Variants in VPS35L observed in about 807,000 individuals in gnomAD.
VPS35L encodes the protein VPS35 endosomal protein sorting factor like.
In VPS35L, 83 loss-of-function variants were observed where a neutral mutation model predicts 133.0. The ratio of observed to expected loss-of-function variants is 0.62; its 90% CI spans 0.52 to 0.75. The LOEUF (loss-of-function observed/expected upper bound fraction) is 0.75. Among genes scored for constraint, VPS35L ranks in the 30% least tolerant of loss-of-function variants. The pLI, the probability that VPS35L is intolerant of heterozygous loss-of-function variation, is 0.00. For synonymous variants in VPS35L, 423 were observed against 449.9 expected (o/e 0.94, Z 0.76); for missense variants, 1,083 against 1,206.8 (o/e 0.90, Z 1.52).
intron 21 of VPS35L, among the ~76,000 whole-genome samples, chr16:19,640,327 C>T (rs1172271346): frequency 6.6e-6 from 1 of 152,138 alleles, no homozygotes; most frequent in Non-Finnish European, 1.5e-5. Context: ...GCCAGAAAAC[C>T]ACACTGGAAG....
intron 5 of VPS35L, chr16:19,578,171 A>C: frequency 1.2e-5 from 5 of 429,532 alleles, no homozygotes; most frequent in Non-Finnish European, 1.8e-5. Flanking sequence ...GTGCTACAAC[A>C]GTAGAGTTGA....
At chr16:19,579,253 G>A (rs1322609641) in intron 6 of VPS35L, 125 bp downstream of exon 6, 5 of 854,186 alleles carry the variant, frequency 5.9e-6, no homozygotes, top group Middle Eastern at 3.6e-4. Flanking sequence ...TGGTCCTCTC[G>A]AGGCAATGAC....
chr16:19,573,217 C>T lies in VPS35L; in HGVS notation c.384C>T (p.Tyr128=), dbSNP rs536088496. 1 of 1,613,932 alleles carries T rather than the reference C, an allele frequency of 6.2e-7. No homozygotes were observed. Among genetic ancestry groups the T allele is most frequent in the East Asian group, 2.2e-5 (1 of 44,870 alleles). Residue 128 remains tyrosine, a synonymous_variant, in exon 4 of 31, where the codon TAC becomes TAT. Transcript: ENST00000417362. ...AACGGGGAGAAATCCTTGCCCGGTA[C>T]ACCACTACCGAAAAGCTGTCTATTG... ...TNKRGEILAR[Y]TTTEKLSINL...
chr16:19,670,824 A>C (rs1020000940), intron 27 of VPS35L, among the ~76,000 whole-genome samples: 1 of 152,172 alleles, frequency 6.6e-6, no homozygotes, highest in Non-Finnish European at 1.5e-5. Flanking sequence ...GATGAGGAAA[A>C]TGACAGCTTT....
At chr16:19,569,372 A>G in intron 2 of VPS35L, 52 bp from the exon 3 acceptor site, 1 of 1,592,062 alleles carries the variant, frequency 6.3e-7, no homozygotes, top group Non-Finnish European at 8.6e-7. Context: ...GGAGTGTTTC[A>G]CTGGAGAGAG....
chr16:19,600,483 A>T (rs1972348059), intron 8 of VPS35L, among the ~76,000 whole-genome samples: 1 of 152,194 alleles, frequency 6.6e-6, no homozygotes. Flanking sequence ...ATTTGTTTGC[A>T]CATTGTGGCC....
intron 26 of VPS35L, among the ~76,000 whole-genome samples, chr16:19,658,415 A>G (rs1824089980): frequency 1.3e-5 from 2 of 152,174 alleles, no homozygotes; most frequent in African/African-American, 4.8e-5. Flanking sequence ...CTGTAATCCC[A>G]GCTACTTGGG....
At chr16:19,608,115 C>A (rs1597354542) in intron 9 of VPS35L, 63 bp from the exon 10 acceptor site, 4 of 1,240,138 alleles carry the variant, frequency 3.2e-6, no homozygotes, top group East Asian at 4.6e-5. Context: ...GTATTCCCAT[C>A]CAGGGACTCA....
Position 19,575,000 on chromosome 16 carries a change from A to G in VPS35L, c.409-98A>G, listed in dbSNP as rs537481072. 3.4e-5 allele frequency: 34 copies of G among 999,964 alleles called. No homozygotes were observed. In the South Asian group the frequency reaches 4.4e-4, roughly 13 times the overall value. The allele number at this position is 999,964 out of a possible 1,614,324, so 61.9% of individuals were successfully genotyped here. On this transcript the variant is annotated intron_variant, in intron 4 of 30. Coordinates refer to ENST00000417362, the MANE Select transcript of VPS35L (RefSeq NM_020314.7). ...GACTGTATTTTTCTTCTTTGAATAT[A>G]TATTTCTTTCTCTTGGGTATGTAAA...
At chr16:19,582,771 T>C (rs1373919892) in intron 7 of VPS35L, among the ~76,000 whole-genome samples, 1 of 152,356 alleles carries the variant, frequency 6.6e-6, no homozygotes, top group African/African-American at 2.4e-5. Flanking sequence ...ATTTGATTCA[T>C]GTCTTCACAA....
chr16:19,645,645 T>G (rs964973792), intron 23 of VPS35L, among the ~76,000 whole-genome samples: 2 of 152,128 alleles, frequency 1.3e-5, no homozygotes, highest in African/African-American at 4.8e-5. Context: ...CAGCTGGGCT[T>G]GCCCCACCAG....
intron 27 of VPS35L, among the ~76,000 whole-genome samples, chr16:19,679,149 G>T (rs929885747): frequency 1.4e-5 from 2 of 142,078 alleles, no homozygotes; most frequent in African/African-American, 2.5e-5. Flanking sequence ...GGGCGGGGGT[G>T]GGGAGGCGGG....
At chr16:19,591,535 G>T (rs981944836) in intron 7 of VPS35L, among the ~76,000 whole-genome samples, 13 of 150,526 alleles carry the variant, frequency 8.6e-5, no homozygotes, top group African/African-American at 3.2e-4. Context: ...GGGCAACATA[G>T]CGAGACCCCA....
chr16:19,669,394 T>C (rs1974802682), intron 27 of VPS35L, 95 bp downstream of exon 27: 2 of 1,375,644 alleles, frequency 1.5e-6, no homozygotes, highest in Non-Finnish European at 9.7e-7. Flanking sequence ...AGGAACATTC[T>C]ATCTAGTATC....
At chr16:19,558,943 C>T (rs1441594523) in intron 1 of VPS35L, among the ~76,000 whole-genome samples, 2 of 151,198 alleles carry the variant, frequency 1.3e-5, no homozygotes, top group Admixed American at 1.3e-4. Flanking sequence ...AAAAAACAAC[C>T]CTTGGAGTCA....
chr16:19,624,353 C>T (rs538018799), intron 14 of VPS35L, among the ~76,000 whole-genome samples: 21 of 151,844 alleles, frequency 1.4e-4, no homozygotes, highest in African/African-American at 4.8e-4. Context: ...AGGGCTGAGG[C>T]GGGCAGATTG....
At chr16:19,562,794 G>T (rs1415826890) in intron 1 of VPS35L, among the ~76,000 whole-genome samples, 1 of 151,554 alleles carries the variant, frequency 6.6e-6, no homozygotes. Context: ...TCATTCTGTT[G>T]CCCAGGCTGG....
In VPS35L at chr16:19,595,550, T is replaced by C. The variant is rs1397407534; in HGVS notation, c.724+3676T>C. Among the ~76,000 whole-genome samples, 4 of 152,208 alleles carry C rather than the reference T, an allele frequency of 2.6e-5. No homozygotes were observed. The South Asian group carries it at 6.2e-4, about 24-fold the overall frequency. ...GCCGTCTGGTTCCCTCGCCCGCCTC[T>C]CCTAAGTTTCTTTTGTATGAGTCAG... On this transcript the variant is annotated intron_variant, in intron 8 of 30. Transcript: ENST00000417362.
rs149624217 is a variant in VPS35L at position 19,632,103 on chromosome 16, A to G, written c.1555-989A>G. 3.4e-3 allele frequency among the ~76,000 whole-genome samples: 520 copies of G among 152,186 alleles called. 2 individuals carry two copies. Among genetic ancestry groups the G allele is most frequent in the African/African-American group, 0.012 (505 of 41,530 alleles). On this transcript the variant is annotated intron_variant, in intron 18 of 30. Transcript: ENST00000417362. ...CAGCCTCCTAAGTAACTAGGACTACAGGTGTGTGTGACCACACCCCGCTAA... is the reference window on the plus strand; with the variant it reads ...CAGCCTCCTAAGTAACTAGGACTACGGGTGTGTGTGACCACACCCCGCTAA...
Sources: gnomAD v4.1 joint callset for allele counts (sites outside exome capture counted in the v4.1 genomes callset) on GRCh38, gnomAD v4.1.1 for gene constraint, MANE v1.5 for transcripts, NCBI Gene and HGNC (gene_info 2026-07-23, HGNC 2026-07-21) for gene names.